Variants in TNFSF4 observed in about 807,000 individuals in gnomAD.
TNFSF4 encodes the protein TNF superfamily member 4.
TNFSF4 carries 4 observed loss-of-function variants against 7.3 expected under a neutral mutation model. The ratio of observed to expected loss-of-function variants is 0.55; its 90% CI spans 0.27 to 1.25. TNFSF4 has a LOEUF of 1.25. Ranked by LOEUF, TNFSF4 falls within the 50% of genes most tolerant of loss-of-function variation. The pLI is 0.12. For missense variants in TNFSF4, 181 were observed against 208.8 expected, an observed-to-expected ratio of 0.87 and a Z score of 0.82; for synonymous variants, 76 against 83.7, an observed-to-expected ratio of 0.91 and a Z score of 0.50.
the TNFSF4 span, among the ~76,000 whole-genome samples, chr1:173,287,362 C>A: frequency 1.3e-5 from 2 of 152,050 alleles, no homozygotes; most frequent in Non-Finnish European, 2.9e-5. Flanking sequence ...TTTTTAAAAA[C>A]CACAATGGGA....
At chr1:173,232,434 TCTTTTCCTAATTGAATACC>T in the TNFSF4 span, among the ~76,000 whole-genome samples, 1 of 152,186 alleles carries the variant, frequency 6.6e-6, no homozygotes, top group Non-Finnish European at 1.5e-5. Flanking sequence ...TTTGACTTCC[TCTTTTCCTAATTGAATACC>T]CTTTATTTCT....
chr1:173,379,443 T>G, the TNFSF4 span, among the ~76,000 whole-genome samples: 1 of 152,196 alleles, frequency 6.6e-6, no homozygotes, highest in Non-Finnish European at 1.5e-5. Flanking sequence ...AGGAAGAAGA[T>G]CCTTCTGCCT....
At chr1:173,345,089 G>A in the TNFSF4 span, among the ~76,000 whole-genome samples, 4 of 152,104 alleles carry the variant, frequency 2.6e-5, no homozygotes, top group African/African-American at 4.8e-5. Flanking sequence ...AATGTAGATC[G>A]AAAAACTAGG....
the TNFSF4 span, among the ~76,000 whole-genome samples, chr1:173,407,703 G>GGTGTGTGTGTGTGT: frequency 0.017 from 2,575 of 148,320 alleles, 46 homozygotes; most frequent in East Asian, 0.047. Context: ...GATGTAAATG[G>GGTGTGTGTGTGTGT]GTGTGTGTGT....
At chr1:173,373,462 G>A in the TNFSF4 span, among the ~76,000 whole-genome samples, 68 of 152,266 alleles carry the variant, frequency 4.5e-4, no homozygotes, top group Non-Finnish European at 6.3e-4. Context: ...TCCTCAGGGT[G>A]GTTAATGACA....
chr1:173,215,427 G>T, the TNFSF4 span, among the ~76,000 whole-genome samples: 1 of 152,108 alleles, frequency 6.6e-6, no homozygotes, highest in Non-Finnish European at 1.5e-5. Flanking sequence ...TTTATCCTCT[G>T]TGGTAACAAG....
At chr1:173,303,537 A>G in the TNFSF4 span, among the ~76,000 whole-genome samples, 1 of 151,886 alleles carries the variant, frequency 6.6e-6, no homozygotes, top group Non-Finnish European at 1.5e-5. Flanking sequence ...TGTTTGTCCG[A>G]GATGACGGCG....
the TNFSF4 span, among the ~76,000 whole-genome samples, chr1:173,215,881 G>A: frequency 3.9e-5 from 6 of 152,132 alleles, no homozygotes; most frequent in Admixed American, 3.9e-4. Context: ...AATAGAAGGT[G>A]CACAATAATT....
chr1:173,444,269 A>T, the TNFSF4 span, among the ~76,000 whole-genome samples: 4 of 152,092 alleles, frequency 2.6e-5, no homozygotes, highest in African/African-American at 9.7e-5. Flanking sequence ...GCAGCCTGCA[A>T]ACACACACAC....
chr1:173,334,232 CAG>C, the TNFSF4 span, among the ~76,000 whole-genome samples: 1 of 152,066 alleles, frequency 6.6e-6, no homozygotes, highest in Non-Finnish European at 1.5e-5. Context: ...TAGTGGTAAA[CAG>C]AGGACTGATA....
chr1:173,257,150 A>G, the TNFSF4 span, among the ~76,000 whole-genome samples: 1 of 152,244 alleles, frequency 6.6e-6, no homozygotes, highest in East Asian at 1.9e-4. Context: ...ACTCTTTCGT[A>G]TCTCCAAGGC....
chr1:173,391,455 A>C, the TNFSF4 span, among the ~76,000 whole-genome samples: 5 of 139,790 alleles, frequency 3.6e-5, no homozygotes, highest in African/African-American at 1.0e-4. Flanking sequence ...AAAAAAAAAA[A>C]AAAAAAAAAA....
the TNFSF4 span, chr1:173,440,498 C>T: frequency 6.6e-6 from 1 of 152,158 alleles, no homozygotes; most frequent in Non-Finnish European, 1.5e-5. Context: ...TCTGTCCATG[C>T]TTAATTCCAC....
chr1:173,256,567 C>T, the TNFSF4 span, among the ~76,000 whole-genome samples: 32 of 152,250 alleles, frequency 2.1e-4, no homozygotes, highest in Middle Eastern at 3.4e-3. Context: ...GGACACAATT[C>T]GGTCCATAAC....
the TNFSF4 span, among the ~76,000 whole-genome samples, chr1:173,223,940 G>T: frequency 6.6e-6 from 1 of 152,152 alleles, no homozygotes; most frequent in Admixed American, 6.5e-5. Context: ...ACATACACCC[G>T]GGGGGTTGCC....
the TNFSF4 span, among the ~76,000 whole-genome samples, chr1:173,325,934 G>T: frequency 3.9e-5 from 6 of 152,138 alleles, no homozygotes; most frequent in African/African-American, 4.8e-5. Flanking sequence ...TTCTACCAGA[G>T]GTACAAGGAG....
the TNFSF4 span, among the ~76,000 whole-genome samples, chr1:173,260,708 A>T: frequency 2.5e-4 from 38 of 152,318 alleles, no homozygotes; most frequent in Non-Finnish European, 4.9e-4. Flanking sequence ...GACAAAACAG[A>T]CTTTAAACCA....
chr1:173,332,374 C>T, the TNFSF4 span, among the ~76,000 whole-genome samples: 1 of 152,132 alleles, frequency 6.6e-6, no homozygotes, highest in South Asian at 2.1e-4. Context: ...TCCAGGGAAA[C>T]CAGCTGGTTG....
the TNFSF4 span, among the ~76,000 whole-genome samples, chr1:173,366,576 G>C: frequency 5.3e-5 from 8 of 152,192 alleles, no homozygotes; most frequent in East Asian, 1.5e-3. Context: ...GCACAACAGG[G>C]TAAATATAGT....
Sources: gnomAD v4.1 joint callset for allele counts (sites outside exome capture counted in the v4.1 genomes callset) on GRCh38, gnomAD v4.1.1 for gene constraint, MANE v1.5 for transcripts, NCBI Gene and HGNC (gene_info 2026-07-23, HGNC 2026-07-21) for gene names.